Variants in FYN observed in about 807,000 individuals in gnomAD.
FYN encodes the protein FYN proto-oncogene, Src family tyrosine kinase, also known as tyrosine-protein kinase Fyn.
Under a neutral mutation model 70.2 loss-of-function variants are expected in FYN, and 10 were observed. The ratio of observed to expected loss-of-function variants is 0.14; its 90% CI spans 0.09 to 0.24. The LOEUF is 0.24. Among genes scored for constraint, FYN ranks in the 10% least tolerant of loss-of-function variants. The probability of loss-of-function intolerance (pLI) is 1.00; values close to 1 mark genes in which losing one functional copy is unlikely to be tolerated. For missense variants in FYN, 319 were observed against 673.1 expected, an observed-to-expected ratio of 0.47 and a Z score of 5.82; for synonymous variants, 236 against 248.6, an observed-to-expected ratio of 0.95 and a Z score of 0.48.
At chr6:111,807,142 T>C (rs750473992) in intron 2 of FYN, among the ~76,000 whole-genome samples, 2 of 152,248 alleles carry the variant, frequency 1.3e-5, no homozygotes, top group Non-Finnish European at 1.5e-5. Flanking sequence ...AGGGATTTAT[T>C]TTAACAGAGG....
At chr6:111,662,567 T>C (rs1019405105) in intron 13 of FYN, among the ~76,000 whole-genome samples, 60 of 152,354 alleles carry the variant, frequency 3.9e-4, no homozygotes, top group African/African-American at 1.4e-3. Flanking sequence ...CTTAAAATTG[T>C]TGAATTTTAT....
chr6:111,851,111 T>C (rs1015709786), intron 1 of FYN, among the ~76,000 whole-genome samples: 3 of 152,134 alleles, frequency 2.0e-5, no homozygotes, highest in East Asian at 1.9e-4. Flanking sequence ...ATGAACATGG[T>C]ACTAGACATT....
intron 3 of FYN, among the ~76,000 whole-genome samples, chr6:111,729,902 C>T (rs1801368809): frequency 6.6e-6 from 1 of 152,114 alleles, no homozygotes; most frequent in Non-Finnish European, 1.5e-5. Context: ...CAAGAATGTA[C>T]TTTTTTTATA....
At chr6:111,691,466 CCCG>C (rs1434718224) in intron 12 of FYN, among the ~76,000 whole-genome samples, 112 of 152,300 alleles carry the variant, frequency 7.4e-4, no homozygotes, top group Non-Finnish European at 1.8e-4. Flanking sequence ...TAACATAAAA[CCCG>C]ACTTGCAAAT....
intron 5 of FYN, among the ~76,000 whole-genome samples, chr6:111,712,859 T>A (rs910357872): frequency 5.9e-5 from 9 of 152,200 alleles, no homozygotes; most frequent in Admixed American, 3.3e-4. Flanking sequence ...CTGTATACTT[T>A]TTGAAAATTG....
At position 111,844,058 on chromosome 6, in the gene FYN, T is replaced by G. The variant is rs368204600; in HGVS notation, c.-82+2531A>C. Among the ~76,000 whole-genome samples, 84 of 152,344 alleles carry G rather than the reference T, an allele frequency of 5.5e-4. 1 individual carries two copies. The highest frequency in any genetic ancestry group is 1.9e-3 in the African/African-American group (80 of 41,574). ...GGAAAGCTCTGAGCCCAGACAGATCTGAGTAGAATCCTTACTATAACTACA... is the reference window on the plus strand; with the variant it reads ...GGAAAGCTCTGAGCCCAGACAGATCGGAGTAGAATCCTTACTATAACTACA... On this transcript the variant is annotated intron_variant, in intron 2 of 13. Transcript: ENST00000354650.
At chr6:111,820,581 T>A (rs1473372761) in intron 2 of FYN, among the ~76,000 whole-genome samples, 4 of 152,184 alleles carry the variant, frequency 2.6e-5, no homozygotes. Context: ...TGATATAATT[T>A]AGTATTCTCT....
At chr6:111,854,797 T>C (rs1013287204) in intron 1 of FYN, among the ~76,000 whole-genome samples, 2 of 152,264 alleles carry the variant, frequency 1.3e-5, no homozygotes, top group African/African-American at 4.8e-5. Flanking sequence ...AAAATGCTTG[T>C]TGATACTTAC....
At chr6:111,787,606 A>G (rs1056055389) in intron 2 of FYN, among the ~76,000 whole-genome samples, 1 of 152,252 alleles carries the variant, frequency 6.6e-6, no homozygotes, top group Non-Finnish European at 1.5e-5. Flanking sequence ...AACCTTGTAC[A>G]GGGCCTGGTA....
intron 2 of FYN, among the ~76,000 whole-genome samples, chr6:111,783,373 G>C (rs1456881896): frequency 6.6e-6 from 1 of 151,678 alleles, no homozygotes; most frequent in Admixed American, 6.6e-5. Flanking sequence ...ACAGAACAAA[G>C]GCTGGATTTG....
At chr6:111,790,091 C>CTGTG (rs71021863) in intron 2 of FYN, among the ~76,000 whole-genome samples, 3,871 of 150,570 alleles carry the variant, frequency 0.026, 129 homozygotes, top group African/African-American at 0.079. Flanking sequence ...AGTATCAGAA[C>CTGTG]TGTGTGTGTG....
chr6:111,767,332 T>C (rs1015564701), intron 3 of FYN, among the ~76,000 whole-genome samples: 3 of 152,228 alleles, frequency 2.0e-5, no homozygotes, highest in Non-Finnish European at 4.4e-5. Context: ...TTTTCTTAAA[T>C]GTGCTCTCCT....
chr6:111,673,194 C>T (rs1798368699), intron 13 of FYN, among the ~76,000 whole-genome samples: 1 of 152,170 alleles, frequency 6.6e-6, no homozygotes, highest in Non-Finnish European at 1.5e-5. Flanking sequence ...AATTCAGAAA[C>T]ACCCACGCTG....
In FYN at chr6:111,719,924, C is replaced by A. The variant is rs201335932; in HGVS notation, c.128G>T (p.Gly43Val). 2.5e-6 allele frequency: 4 copies of A among 1,614,184 alleles called. No homozygotes were observed. The highest frequency in any genetic ancestry group is 3.4e-6 in the Non-Finnish European group (4 of 1,180,034). ...DPTPQHYPSFGVTSIPNYNNF... is the reference protein window; with the variant it reads ...DPTPQHYPSFVVTSIPNYNNF... ...GTTGTAGTTGGGGATGGAGGTCACA[C>A]CGAAGCTGGGGTAGTGCTGAGGGGT... Residue 43 changes from glycine to valine, a missense_variant, in exon 4 of 14, where the codon GGT becomes GTT. Around this residue, in one of 4 missense-constraint regions of FYN, gnomAD observed 128 missense variants for 183.9 expected, o/e 0.70. Transcript: ENST00000354650.
chr6:111,779,919 T>TGA (rs1282414677), intron 3 of FYN, among the ~76,000 whole-genome samples: 2 of 152,220 alleles, frequency 1.3e-5, no homozygotes, highest in Non-Finnish European at 2.9e-5. Context: ...GTAGGTAACA[T>TGA]GATAAGCCTC....
intron 2 of FYN, among the ~76,000 whole-genome samples, chr6:111,799,345 G>A (rs1771910941): frequency 6.6e-6 from 1 of 152,136 alleles, no homozygotes; most frequent in Admixed American, 6.5e-5. Context: ...GGGAACATTT[G>A]TAAAAATTAG....
At chr6:111,732,053 A>C (rs962377177) in intron 3 of FYN, among the ~76,000 whole-genome samples, 1 of 152,232 alleles carries the variant, frequency 6.6e-6, no homozygotes, top group African/African-American at 2.4e-5. Flanking sequence ...TGGGATGACA[A>C]GCTGTGGCCA....
chr6:111,710,823 T>C (rs919969993), intron 5 of FYN, among the ~76,000 whole-genome samples: 71 of 152,352 alleles, frequency 4.7e-4, no homozygotes, highest in Non-Finnish European at 4.6e-4. Context: ...TATCTTTTAT[T>C]TCTTGAGTTA....
rs185336969 is a variant in FYN, at chr6:111,660,712, T to C, written c.*1027A>G. 2.0e-5 allele frequency: 3 copies of C among 152,324 alleles called. No homozygotes were observed. In the East Asian group the frequency reaches 5.8e-4, roughly 29 times the overall value. 9.4% of individuals were successfully genotyped at this position (152,324 alleles called of 1,614,324 possible). On this transcript the variant is annotated 3_prime_UTR_variant, in exon 14 of 14. Transcript: ENST00000354650. Reference sequence around the variant, plus strand: ...CCACCCTCATTTCCCCCAGAAATTTTAGTTGCATGAGAAAGTTTAGCGGGT... The same window carrying C: ...CCACCCTCATTTCCCCCAGAAATTTCAGTTGCATGAGAAAGTTTAGCGGGT...
Sources: gnomAD v4.1 joint callset for allele counts (sites outside exome capture counted in the v4.1 genomes callset) on GRCh38, gnomAD v4.1.1 for gene constraint, gnomAD v4.1.1 regional missense constraint, MANE v1.5 for transcripts, NCBI Gene and HGNC (gene_info 2026-07-23, HGNC 2026-07-21) for gene names.